The following CHL1 variants were observed in gnomAD, a reference collection of about 807,000 sequenced individuals.
The protein encoded by CHL1 is neural cell adhesion molecule L1-like protein.
In CHL1, 96 loss-of-function variants were observed where a neutral mutation model predicts 141.9. That is an observed-to-expected ratio of 0.68 (90% CI 0.57 to 0.80). The LOEUF (loss-of-function observed/expected upper bound fraction) is 0.80. Among genes scored for constraint, CHL1 ranks in the 30% least tolerant of loss-of-function variants. The pLI, the probability that CHL1 is intolerant of heterozygous loss-of-function variation, is 0.00. For missense variants in CHL1, 1,820 were observed against 1,457.2 expected (o/e 1.25, Z -4.05); for synonymous variants, 613 against 502.2 (o/e 1.22, Z -2.95).
chr3:272,037 G>C (rs974336962), intron 2 of CHL1, among the ~76,000 whole-genome samples: 15 of 152,134 alleles, frequency 9.9e-5, no homozygotes, highest in African/African-American at 3.4e-4. Context: ...TGATTTAATA[G>C]AATTGGGAAA....
At chr3:337,621 G>T (rs529586703) in intron 5 of CHL1, among the ~76,000 whole-genome samples, 1 of 151,744 alleles carries the variant, frequency 6.6e-6, no homozygotes, top group South Asian at 2.1e-4. Context: ...GCAATGTTTG[G>T]TTTTTTGTCC....
At chr3:331,133 T>C (rs141286371) in intron 5 of CHL1, among the ~76,000 whole-genome samples, 85 of 152,326 alleles carry the variant, frequency 5.6e-4, no homozygotes, top group African/African-American at 1.9e-3. Context: ...TGAGACTATT[T>C]GAACAATACG....
chr3:383,139 T>A (rs1195675467), intron 18 of CHL1, among the ~76,000 whole-genome samples: 1 of 152,218 alleles, frequency 6.6e-6, no homozygotes, highest in Admixed American at 6.5e-5. Context: ...GGTCATAGCA[T>A]GATATTTTAT....
At chr3:347,404 G>A (rs1468001738) in intron 9 of CHL1, among the ~76,000 whole-genome samples, 2 of 151,980 alleles carry the variant, frequency 1.3e-5, no homozygotes, top group Non-Finnish European at 2.9e-5. Context: ...AAGGCAGGAG[G>A]TATAAAAAAA....
chr3:391,106 C>A lies in CHL1; in HGVS notation c.2738C>A (p.Ser913Tyr). 6.2e-7 allele frequency: 1 copy of A among 1,613,932 alleles called. No homozygotes were observed. The highest frequency in any genetic ancestry group is 8.5e-7 in the Non-Finnish European group (1 of 1,179,812). ...EFHLTVLAYNSKGAGPESEPY... is the reference protein window; with the variant it reads ...EFHLTVLAYNYKGAGPESEPY... The stretch of plus-strand genomic sequence containing the variant: ...CATTTAACAGTCTTAGCCTATAACT[C>A]TAAAGGAGCTGGTCCTGAAAGTGAG... The change falls in exon 22 of 28, where the codon TCT becomes TAT. Residue 913 changes from serine to tyrosine, a missense_variant. Coordinates refer to ENST00000256509, the MANE Select transcript of CHL1 (RefSeq NM_006614.4).
At chr3:275,437 C>T (rs1043960566) in intron 2 of CHL1, among the ~76,000 whole-genome samples, 1 of 152,090 alleles carries the variant, frequency 6.6e-6, no homozygotes, top group African/African-American at 2.4e-5. Context: ...TTTCTTATTC[C>T]TCTTGCTATA....
At chr3:250,954 G>C (rs935804316) in intron 2 of CHL1, among the ~76,000 whole-genome samples, 3 of 152,054 alleles carry the variant, frequency 2.0e-5, no homozygotes, top group Non-Finnish European at 4.4e-5. Context: ...CAGGGTTGAA[G>C]ATACAGTCGC....
intron 1 of CHL1, among the ~76,000 whole-genome samples, chr3:214,118 C>T (rs1700112622): frequency 1.3e-5 from 2 of 152,152 alleles, no homozygotes; most frequent in South Asian, 4.2e-4. Flanking sequence ...CATCATAGGG[C>T]TCTTTGGTGC....
At chr3:329,681 T>TA (rs544649270) in intron 5 of CHL1, among the ~76,000 whole-genome samples, 278 of 151,656 alleles carry the variant, frequency 1.8e-3, no homozygotes, top group African/African-American at 5.9e-3. Flanking sequence ...TGCTCTGAGT[T>TA]AAAAAAAAGC....
chr3:328,093 A>G (rs1575078398), intron 4 of CHL1, 74 bp from the exon 5 acceptor site: 2 of 1,139,964 alleles, frequency 1.8e-6, no homozygotes, highest in East Asian at 2.4e-5. Context: ...TGTCAATTTT[A>G]TGCAATTGTT....
intron 25 of CHL1, 150 bp from the exon 26 acceptor site, chr3:398,867 C>T (rs1575296100): frequency 1.6e-6 from 1 of 608,394 alleles, no homozygotes; most frequent in Non-Finnish European, 2.9e-6. Flanking sequence ...CTCCCATTAA[C>T]ATGTCCTTCA....
intron 8 of CHL1, among the ~76,000 whole-genome samples, chr3:344,129 G>A (rs1702568865): frequency 6.6e-6 from 1 of 152,146 alleles, no homozygotes; most frequent in African/African-American, 2.4e-5. Context: ...GATGCCTAGT[G>A]TCTACCACAG....
At position 340,825 on chromosome 3, in the gene CHL1, C is replaced by A. The variant is rs372739829; in HGVS notation, c.417C>A (p.Asp139Glu). The change falls in exon 6 of 28, where the codon GAC becomes GAA. Residue 139 changes from aspartate to glutamate, a missense_variant. Physicochemically the swap from Asp to Glu is conservative, Grantham distance 45. Transcript: ENST00000256509. The part of the protein sequence containing the change: ...SVPKFPKEKI[D>E]PLEVEEGDPI... ...CAAAATTCCCAAAAGAAAAAATTGA[C>A]CCTCTTGAAGTGGAGGAGGGAGATC... 2 of 1,611,334 alleles carry A rather than the reference C, an allele frequency of 1.2e-6. No homozygotes were observed. Among genetic ancestry groups the A allele is most frequent in the East Asian group, 4.5e-5 (2 of 44,834 alleles).
intron 1 of CHL1, among the ~76,000 whole-genome samples, chr3:233,005 C>CTT (rs1420508896): frequency 6.8e-6 from 1 of 146,186 alleles, no homozygotes; most frequent in African/African-American, 2.5e-5. Flanking sequence ...TTCTTTCCTC[C>CTT]TTTTTTTTTT....
chr3:218,207 G>A (rs1700499204), intron 1 of CHL1, among the ~76,000 whole-genome samples: 1 of 152,168 alleles, frequency 6.6e-6, no homozygotes, highest in African/African-American at 2.4e-5. Context: ...GTGAAATTTT[G>A]TGAGCTTCTG....
At chr3:261,962 C>T (rs1250188615) in intron 2 of CHL1, among the ~76,000 whole-genome samples, 1 of 138,698 alleles carries the variant, frequency 7.2e-6, no homozygotes, top group East Asian at 2.1e-4. Context: ...GCAGGATTCA[C>T]ACGTTTAAGC....
chr3:334,045 C>T (rs1307987203), intron 5 of CHL1, among the ~76,000 whole-genome samples: 1 of 152,134 alleles, frequency 6.6e-6, no homozygotes, highest in Non-Finnish European at 1.5e-5. Flanking sequence ...CAGCCTCATC[C>T]TCCTGGGCTC....
At chr3:289,592 C>T (rs1037916036) in intron 2 of CHL1, among the ~76,000 whole-genome samples, 4 of 152,076 alleles carry the variant, frequency 2.6e-5, no homozygotes, top group Admixed American at 1.3e-4. Flanking sequence ...GGTTCCTGCA[C>T]GACTCTGGCC....
chr3:244,275 C>T (rs150942388), intron 1 of CHL1, among the ~76,000 whole-genome samples: 181 of 152,256 alleles, frequency 1.2e-3, no homozygotes, highest in Non-Finnish European at 2.2e-3. Flanking sequence ...TCAGGAGAAC[C>T]GCTATGTAGA....
Sources: gnomAD v4.1 joint callset for allele counts (sites outside exome capture counted in the v4.1 genomes callset) on GRCh38, gnomAD v4.1.1 for gene constraint, MANE v1.5 for transcripts, NCBI Gene and HGNC (gene_info 2026-07-23, HGNC 2026-07-21) for gene names.